RHOBTB1: variants seen among roughly 807,000 people sequenced by gnomAD.
The protein encoded by RHOBTB1 is Rho related BTB domain containing 1.
In RHOBTB1, 40 loss-of-function variants were observed where a neutral mutation model predicts 71.6. The ratio of observed to expected loss-of-function variants is 0.56; its 90% confidence interval spans 0.43 to 0.73. The LOEUF is 0.73. RHOBTB1 is among the 30% of genes least tolerant of loss of function. The probability of loss-of-function intolerance (pLI) is 0.00; values close to 1 mark genes in which losing one functional copy is unlikely to be tolerated. For synonymous variants in RHOBTB1, 319 were observed against 334.9 expected, an observed-to-expected ratio of 0.95 and a Z score of 0.52; for missense variants, 797 against 894.0, an observed-to-expected ratio of 0.89 and a Z score of 1.38.
At chr10:60,873,066 T>C (rs1011212719) in intron 9 of RHOBTB1, among the ~76,000 whole-genome samples, 6 of 152,124 alleles carry the variant, frequency 3.9e-5, no homozygotes, top group African/African-American at 1.4e-4. Flanking sequence ...TGTGGCCCCA[T>C]ATCTCCACTG....
At chr10:60,967,676 A>G (rs1395645663) in intron 2 of RHOBTB1, among the ~76,000 whole-genome samples, 1 of 152,070 alleles carries the variant, frequency 6.6e-6, no homozygotes, top group African/African-American at 2.4e-5. Context: ...GGGTAAGAGG[A>G]CACTTTGCAT....
chr10:60,968,272 TG>T (rs2086039629), intron 2 of RHOBTB1, among the ~76,000 whole-genome samples: 1 of 151,884 alleles, frequency 6.6e-6, no homozygotes, highest in South Asian at 2.1e-4. Flanking sequence ...CATGGAAGGG[TG>T]GTAAGTGGGC....
chr10:60,998,295 T>G (rs150847345), intron 1 of RHOBTB1, among the ~76,000 whole-genome samples: 372 of 152,342 alleles, frequency 2.4e-3, no homozygotes, highest in African/African-American at 8.2e-3. Flanking sequence ...AGATAATTAC[T>G]TATTCAAACA....
chr10:60,892,886 T>C lies in RHOBTB1; in HGVS notation c.406A>G (p.Ile136Val). The C allele has an allele frequency of 6.2e-7, 1 of 1,614,116 alleles. No individual in the cohort carries two copies. The highest frequency in any genetic ancestry group is 8.5e-7 in the Non-Finnish European group (1 of 1,180,006). ...AGATCAAGCTGGCACCCAACAAGGA[T>C]AACGGGTGTTCGAGGGCAAAAGTGC... ...IKHFCPRTPV[I>V]LVGCQLDLRY... The change falls in exon 5 of 11, where the codon ATC becomes GTC. Residue 136 changes from isoleucine to valine, a missense_variant. Physicochemically the swap from Ile to Val is conservative, Grantham distance 29 (BLOSUM62 3). Coordinates refer to ENST00000337910, the MANE Select transcript of RHOBTB1 (RefSeq NM_014836.5).
At chr10:60,947,816 A>C (rs1039560332), upstream of RHOBTB1, among the ~76,000 whole-genome samples, 1 of 152,198 alleles carries the variant, frequency 6.6e-6, no homozygotes, top group Admixed American at 6.5e-5. Flanking sequence ...GTTTTGTGTG[A>C]GCATAAGTTT....
At chr10:60,972,540 T>G (rs543545521) in intron 2 of RHOBTB1, among the ~76,000 whole-genome samples, 1 of 151,850 alleles carries the variant, frequency 6.6e-6, no homozygotes, top group Non-Finnish European at 1.5e-5. Context: ...TGTCGGGGCA[T>G]GGGGGGCTAG....
At chr10:60,961,595 A>C (rs1208373116) in intron 2 of RHOBTB1, among the ~76,000 whole-genome samples, 2 of 152,104 alleles carry the variant, frequency 1.3e-5, no homozygotes, top group African/African-American at 2.4e-5. Context: ...AACAATTTTC[A>C]AACTATGTGA....
At chr10:60,909,642 A>G (rs2082866396) in intron 4 of RHOBTB1, among the ~76,000 whole-genome samples, 5 of 152,228 alleles carry the variant, frequency 3.3e-5, no homozygotes, top group Admixed American at 3.3e-4. Flanking sequence ...CAATTGGACA[A>G]AAGAAAAAAG....
At chr10:60,906,764 C>G (rs529057786) in intron 4 of RHOBTB1, among the ~76,000 whole-genome samples, 1 of 152,196 alleles carries the variant, frequency 6.6e-6, no homozygotes, top group South Asian at 2.1e-4. Context: ...TGAAGGTTCT[C>G]TGACCTGCAG....
chr10:60,976,261 T>C (rs1361724606), intron 2 of RHOBTB1, among the ~76,000 whole-genome samples: 1 of 151,820 alleles, frequency 6.6e-6, no homozygotes, highest in Non-Finnish European at 1.5e-5. Context: ...TTTATGTACT[T>C]CATATATTTA....
chr10:60,930,771 G>C (rs913287394), intron 2 of RHOBTB1, among the ~76,000 whole-genome samples: 21 of 152,150 alleles, frequency 1.4e-4, no homozygotes, highest in Non-Finnish European at 2.4e-4. Context: ...CTGTCTTTCT[G>C]CCTCTCAGGA....
chr10:60,977,022 AGAG>A (rs994866258), intron 2 of RHOBTB1, among the ~76,000 whole-genome samples: 1 of 152,082 alleles, frequency 6.6e-6, no homozygotes, highest in Non-Finnish European at 1.5e-5. Flanking sequence ...GCTAAATTTA[AGAG>A]TCTTGAGATC....
intron 2 of RHOBTB1, among the ~76,000 whole-genome samples, chr10:60,963,218 C>T (rs893994972): frequency 4.6e-5 from 7 of 152,234 alleles, no homozygotes; most frequent in South Asian, 4.1e-4. Context: ...GCCCTCCGCT[C>T]CATACAGAGA....
At chr10:60,963,730 C>T (rs1011581118) in intron 2 of RHOBTB1, among the ~76,000 whole-genome samples, 2 of 152,116 alleles carry the variant, frequency 1.3e-5, no homozygotes, top group African/African-American at 4.8e-5. Context: ...AAGTTGGATA[C>T]CTTCCTGTGT....
At chr10:60,911,059 G>T in intron 3 of RHOBTB1, 69 bp from the exon 4 acceptor site, 1 of 1,227,926 alleles carries the variant, frequency 8.1e-7, no homozygotes, top group Non-Finnish European at 1.2e-6. Flanking sequence ...GCGTGTTCAA[G>T]TCAGCACCCT....
downstream of RHOBTB1, among the ~76,000 whole-genome samples, chr10:60,867,110 A>C (rs1017798458): frequency 1.3e-5 from 2 of 152,182 alleles, no homozygotes; most frequent in African/African-American, 4.8e-5. Flanking sequence ...ACTTGTACTG[A>C]AAACTCAGTG....
At chr10:60,892,055 C>T (rs2081949859) in intron 5 of RHOBTB1, among the ~76,000 whole-genome samples, 1 of 152,194 alleles carries the variant, frequency 6.6e-6, no homozygotes, top group Non-Finnish European at 1.5e-5. Flanking sequence ...TTGCAAATTT[C>T]CTGAGGCCTC....
intron 2 of RHOBTB1, among the ~76,000 whole-genome samples, chr10:60,926,057 C>T (rs561678537): frequency 2.0e-5 from 3 of 152,130 alleles, no homozygotes; most frequent in African/African-American, 7.2e-5. Context: ...ATGGTGCACC[C>T]CGTCCCCCGT....
intron 2 of RHOBTB1, among the ~76,000 whole-genome samples, chr10:60,964,688 C>G (rs2085899256): frequency 1.3e-5 from 2 of 151,970 alleles, no homozygotes; most frequent in Non-Finnish European, 2.9e-5. Flanking sequence ...TTTCAATGCC[C>G]CAGAAACCAG....
Sources: allele counts gnomAD v4.1 joint callset (sites outside exome capture counted in the v4.1 genomes callset), GRCh38; gene constraint gnomAD v4.1.1; transcripts MANE v1.5; gene names NCBI Gene and HGNC (gene_info 2026-07-23, HGNC 2026-07-21).